Variants in CIB4 observed in about 807,000 individuals in gnomAD.
CIB4 encodes calcium and integrin-binding family member 4.
CIB4 carries 25 observed loss-of-function variants against 25.8 expected under a neutral mutation model. The observed-to-expected ratio is 0.97, with a 90% confidence interval of 0.71 to 1.35. The LOEUF is 1.35. Ranked by LOEUF, CIB4 falls within the 40% of genes most tolerant of loss-of-function variation. CIB4 has a pLI of 0.00. For missense variants in CIB4, 235 were observed against 228.2 expected (o/e 1.03, Z -0.19); for synonymous variants, 75 against 81.4 (o/e 0.92, Z 0.42).
intron 2 of CIB4, among the ~76,000 whole-genome samples, chr2:26,637,144 G>A (rs561670132): frequency 1.3e-5 from 2 of 152,128 alleles, no homozygotes; most frequent in Non-Finnish European, 2.9e-5. Flanking sequence ...GGCAGGGCAG[G>A]GGTGCCAAGT....
intron 2 of CIB4, among the ~76,000 whole-genome samples, chr2:26,635,070 C>T (rs1056985276): frequency 6.6e-6 from 1 of 152,266 alleles, no homozygotes; most frequent in African/African-American, 2.4e-5. Flanking sequence ...CCAGAAGAGG[C>T]ATCTCGGGAA....
At chr2:26,640,688 G>C (rs1669618770) in intron 1 of CIB4, 121 bp from the exon 2 acceptor site, 1 of 1,067,356 alleles carries the variant, frequency 9.4e-7, no homozygotes, top group African/African-American at 1.6e-5. Context: ...ACAGCTGGGG[G>C]AACCCCAGGT....
chr2:26,623,575 G>A (rs1369406975), intron 3 of CIB4: 3 of 471,422 alleles, frequency 6.4e-6, no homozygotes, highest in South Asian at 4.6e-5. Flanking sequence ...AACCGAGATG[G>A]AGCTGAAACC....
chr2:26,595,551 C>T (rs1313999630), intron 3 of CIB4, among the ~76,000 whole-genome samples: 3 of 152,174 alleles, frequency 2.0e-5, no homozygotes, highest in Non-Finnish European at 4.4e-5. Flanking sequence ...TGCAAGGATG[C>T]CACAATTGAA....
At chr2:26,619,016 C>A (rs1669150526) in intron 3 of CIB4, among the ~76,000 whole-genome samples, 1 of 152,196 alleles carries the variant, frequency 6.6e-6, no homozygotes, top group Non-Finnish European at 1.5e-5. Flanking sequence ...TGTTCTTTAT[C>A]CAGAATTCCC....
intron 3 of CIB4, among the ~76,000 whole-genome samples, chr2:26,621,669 A>C (rs1669207178): frequency 6.6e-6 from 1 of 152,254 alleles, no homozygotes; most frequent in Non-Finnish European, 1.5e-5. Flanking sequence ...GTGCTCCACC[A>C]AAAGAAGGGG....
At chr2:26,619,864 A>G (rs1017653892) in intron 3 of CIB4, among the ~76,000 whole-genome samples, 3 of 150,594 alleles carry the variant, frequency 2.0e-5, no homozygotes, top group African/African-American at 7.4e-5. Context: ...TCTGTGACTG[A>G]GGAAGCAGGA....
At chr2:26,640,453 GC>G in intron 2 of CIB4, 79 bp downstream of exon 2, 1 of 1,453,870 alleles carries the variant, frequency 6.9e-7, no homozygotes, top group Non-Finnish European at 9.6e-7. Context: ...TCAGGGACCA[GC>G]GTGAGGCTGT....
intron 3 of CIB4, among the ~76,000 whole-genome samples, chr2:26,614,144 T>A (rs1315325085): frequency 6.6e-6 from 1 of 152,214 alleles, no homozygotes; most frequent in Non-Finnish European, 1.5e-5. Context: ...GGAACGATAT[T>A]GTTTATTTTT....
chr2:26,589,024 T>TTCTTCTTCTTCTTCTTCCTCTTCC (rs1668515509), intron 4 of CIB4, among the ~76,000 whole-genome samples: 1 of 32,170 alleles, frequency 3.1e-5, no homozygotes, highest in African/African-American at 1.2e-4. Context: ...CTTCTTCTTC[T>TTCTTCTTCTTCTTCTTCCTCTTCC]TCTTCTTCTT....
intron 3 of CIB4, among the ~76,000 whole-genome samples, chr2:26,602,894 T>C (rs1668819748): frequency 6.6e-6 from 1 of 152,074 alleles, no homozygotes; most frequent in South Asian, 2.1e-4. Flanking sequence ...ATCCCATCTC[T>C]AAAAAATTAA....
intron 4 of CIB4, among the ~76,000 whole-genome samples, chr2:26,586,324 T>G (rs1668452144): frequency 6.6e-6 from 1 of 152,014 alleles, no homozygotes; most frequent in Admixed American, 6.5e-5. Flanking sequence ...GCACGGAGGC[T>G]CCCCCTCCTC....
At chr2:26,615,102 G>A (rs962871812) in intron 3 of CIB4, among the ~76,000 whole-genome samples, 3 of 152,132 alleles carry the variant, frequency 2.0e-5, no homozygotes, top group South Asian at 2.1e-4. Flanking sequence ...AGACTAGCTG[G>A]GTGACTGAGG....
At chr2:26,607,311 A>G (rs1402739829) in intron 3 of CIB4, among the ~76,000 whole-genome samples, 1 of 152,204 alleles carries the variant, frequency 6.6e-6, no homozygotes, top group South Asian at 2.1e-4. Context: ...CAATATTTTA[A>G]TAGTGCAACT....
At chr2:26,588,978 T>TTTCTTTCTTC (rs1668508138) in intron 4 of CIB4, among the ~76,000 whole-genome samples, 7 of 69,886 alleles carry the variant, frequency 1.0e-4, no homozygotes, top group African/African-American at 3.8e-4. Context: ...CCGCTTCTTC[T>TTTCTTTCTTC]TTCTTCTTCT....
At chr2:26,631,405 T>A (rs1035870297) in intron 2 of CIB4, among the ~76,000 whole-genome samples, 1 of 152,092 alleles carries the variant, frequency 6.6e-6, no homozygotes, top group Admixed American at 6.5e-5. Flanking sequence ...TCCCAGGAGG[T>A]TGAGGCTGCA....
At chr2:26,609,560 C>G (rs796875742) in intron 3 of CIB4, among the ~76,000 whole-genome samples, 1 of 152,144 alleles carries the variant, frequency 6.6e-6, no homozygotes, top group South Asian at 2.1e-4. Flanking sequence ...ATGTAGGAGC[C>G]CCTCTTCTTG....
chr2:26,598,732 G>A (rs1005291834), intron 3 of CIB4, among the ~76,000 whole-genome samples: 2 of 152,130 alleles, frequency 1.3e-5, no homozygotes, highest in Non-Finnish European at 2.9e-5. Context: ...TCTCTCCCAG[G>A]GTCCCTGTCT....
chr2:26,582,019 C>A (rs2148184894), intron 6 of CIB4, among the ~76,000 whole-genome samples: 1 of 152,350 alleles, frequency 6.6e-6, no homozygotes, highest in East Asian at 1.9e-4. Context: ...TGGTGCACAG[C>A]ACAGAGTGAG....
Sources: gnomAD v4.1 joint callset for allele counts (sites outside exome capture counted in the v4.1 genomes callset) on GRCh38, gnomAD v4.1.1 for gene constraint, MANE v1.5 for transcripts, NCBI Gene and HGNC (gene_info 2026-07-23, HGNC 2026-07-21) for gene names.